Variants in RP1L1 observed in about 807,000 individuals in gnomAD.
The protein encoded by RP1L1 is retinitis pigmentosa 1-like 1 protein.
A neutral mutation model predicts 15.7 loss-of-function variants in RP1L1; 27 were observed. The ratio of observed to expected loss-of-function variants is 1.72; its 90% CI spans 1.27 to 2.38. RP1L1 has a LOEUF of 2.38. Ranked by LOEUF, RP1L1 falls within the 30% of genes most tolerant of loss-of-function variation. The pLI is 0.00. For missense variants in RP1L1, 4,798 were observed against 3,075.9 expected (o/e 1.56, Z -13.24); for synonymous variants, 1,813 against 1,276.7 (o/e 1.42, Z -8.96).
intron 2 of RP1L1, chr8:10,621,146 G>C (rs1399826296): frequency 1.3e-5 from 2 of 152,666 alleles, no homozygotes; most frequent in African/African-American, 2.4e-5. Context: ...TACCTAAGTA[G>C]ACCTTGAGAT....
At chr8:10,621,819 T>C (rs1356675603) in intron 2 of RP1L1, 3 of 474,864 alleles carry the variant, frequency 6.3e-6, no homozygotes, top group Non-Finnish European at 1.3e-5. Context: ...AACTCAATAA[T>C]CATAGTGGCT....
intron 2 of RP1L1, among the ~76,000 whole-genome samples, chr8:10,619,633 A>G (rs536767680): frequency 1.3e-5 from 2 of 152,218 alleles, no homozygotes; most frequent in South Asian, 2.1e-4. Context: ...CCTGCTTAAG[A>G]TGCCGAGAGA....
rs545503698 is a variant in RP1L1, at chr8:10,609,485, A to C, written c.4613T>G (p.Val1538Gly). ...KAFLAHLASAVAELRARWGLQ... is the reference protein window; with the variant it reads ...KAFLAHLASAGAELRARWGLQ... ...GCCCCAGCGTGCTCGGAGCTCAGCC[A>C]CCGCACTGGCAAGGTGGGCCAGGAA... The change falls in exon 4 of 4, where the codon GTG becomes GGG. Residue 1538 changes from valine (V) to glycine (G), a missense_variant. By Grantham distance (109) the Val-to-Gly change is moderately radical. Coordinates refer to ENST00000382483, the MANE Select transcript of RP1L1 (RefSeq NM_178857.6). The C allele has an allele frequency of 1.4e-5, 22 of 1,611,650 alleles. No homozygotes were observed. In the African/African-American group the frequency reaches 2.9e-4, roughly 21 times the overall value.
chr8:10,630,368 G>A (rs1258508570), intron 1 of RP1L1, among the ~76,000 whole-genome samples: 1 of 152,262 alleles, frequency 6.6e-6, no homozygotes, highest in East Asian at 1.9e-4. Flanking sequence ...CCACTGCAGA[G>A]CTGAGTTCCA....
intron 1 of RP1L1, among the ~76,000 whole-genome samples, chr8:10,646,498 A>G (rs1423392036): frequency 3.3e-5 from 5 of 151,902 alleles, no homozygotes; most frequent in African/African-American, 7.3e-5. Context: ...GGAGCCAGAG[A>G]AAAGGTGACG....
intron 1 of RP1L1, among the ~76,000 whole-genome samples, chr8:10,630,274 G>T (rs1798221439): frequency 6.6e-6 from 1 of 152,224 alleles, no homozygotes; most frequent in Admixed American, 6.5e-5. Flanking sequence ...CAGGCAGGAG[G>T]ATGGGCAGAG....
intron 1 of RP1L1, among the ~76,000 whole-genome samples, chr8:10,626,017 G>C (rs1798151994): frequency 6.6e-6 from 1 of 152,096 alleles, no homozygotes; most frequent in South Asian, 2.1e-4. Flanking sequence ...GGGGTAGACG[G>C]AGCAAGGAAA....
intron 1 of RP1L1, among the ~76,000 whole-genome samples, chr8:10,623,778 C>T (rs1461753217): frequency 1.3e-5 from 2 of 152,098 alleles, no homozygotes; most frequent in African/African-American, 4.8e-5. Context: ...CACTATGTCC[C>T]CAGCACAGCA....
chr8:10,633,473 C>G (rs796675319), intron 1 of RP1L1, among the ~76,000 whole-genome samples: 6 of 152,318 alleles, frequency 3.9e-5, no homozygotes, highest in African/African-American at 1.4e-4. Flanking sequence ...AAACAAAACC[C>G]CGGGCAAGGA....
rs778637283 is a variant in RP1L1 at position 10,613,288 on chromosome 8, G to A, written c.810C>T (p.Ser270=). ...SVIHSRSPPG[S]TPRLPERPGP... is the part of the protein sequence containing the mutation. ...CAGGCCTTTCTGGCAGCCGTGGCGT[G>A]CTGCCTGGCGGAGACCGCGAATGGA... Residue 270 remains serine (S), a synonymous_variant, in exon 4 of 4, where the codon AGC becomes AGT. Transcript: ENST00000382483. 1.2e-6 allele frequency: 2 copies of A among 1,605,702 alleles called. No homozygotes were observed. Among genetic ancestry groups the A allele is most frequent in the South Asian group, 2.2e-5 (2 of 91,088 alleles).
chr8:10,636,227 A>G (rs560998615), intron 1 of RP1L1, among the ~76,000 whole-genome samples: 1 of 152,238 alleles, frequency 6.6e-6, no homozygotes, highest in African/African-American at 2.4e-5. Context: ...AGGACACCCA[A>G]TATCTTGGCT....
chr8:10,607,929 C>T lies in RP1L1; in HGVS notation c.6169G>A (p.Ala2057Thr), dbSNP rs376670091. 6 of 1,611,818 alleles carry T rather than the reference C, an allele frequency of 3.7e-6. No homozygotes were observed. Among genetic ancestry groups the T allele is most frequent in the Non-Finnish European group, 5.1e-6 (6 of 1,179,326 alleles). The change falls in exon 4 of 4, where the codon GCC becomes ACC. Residue 2057 changes from alanine to threonine, a missense_variant. Coordinates refer to ENST00000382483, the MANE Select transcript of RP1L1 (RefSeq NM_178857.6). ...TGTGCCTCCTCTTCTGCCTCCGGGG[C>T]CTCTACACCGTCTGACTCTGGCTGG... ...DAQPESDGVE[A>T]PEAEEEAQEA...
chr8:10,649,705 C>T (rs1185552509), intron 1 of RP1L1, among the ~76,000 whole-genome samples: 1 of 152,164 alleles, frequency 6.6e-6, no homozygotes, highest in Non-Finnish European at 1.5e-5. Context: ...ATGGTGAAAC[C>T]CCATCTCTAC....
At chr8:10,643,664 T>A (rs1798437247) in intron 1 of RP1L1, among the ~76,000 whole-genome samples, 1 of 152,080 alleles carries the variant, frequency 6.6e-6, no homozygotes, top group Non-Finnish European at 1.5e-5. Flanking sequence ...ATGTGGTCTT[T>A]CCTGCCTGGG....
rs1470315207 is a variant in RP1L1, at chr8:10,613,213, G to C, written c.885C>G (p.Asp295Glu). 6.2e-7 allele frequency: 1 copy of C among 1,613,430 alleles called. No homozygotes were observed. Among genetic ancestry groups the C allele is most frequent in the Non-Finnish European group, 8.5e-7 (1 of 1,180,016 alleles). Reference sequence around the variant, plus strand: ...CCAGCGGGCCCGACTGAGCTGGCGTGTCCTGAGGGTGCCTGCCAGGAGCAG... The same window carrying C: ...CCAGCGGGCCCGACTGAGCTGGCGTCTCCTGAGGGTGCCTGCCAGGAGCAG... Reference protein sequence around the residue: ...VGPAPGRHPQDTPAQSGPLVA... With the variant: ...VGPAPGRHPQETPAQSGPLVA... Residue 295 changes from aspartate to glutamate, a missense_variant, in exon 4 of 4, where the codon GAC becomes GAG. Coordinates refer to ENST00000382483, the MANE Select transcript of RP1L1 (RefSeq NM_178857.6).
chr8:10,620,920 G>C (rs926124279), intron 2 of RP1L1, among the ~76,000 whole-genome samples: 9 of 152,202 alleles, frequency 5.9e-5, no homozygotes, highest in African/African-American at 2.2e-4. Flanking sequence ...CGGTCACTCT[G>C]CTGAGTACAT....
At chr8:10,616,203 C>A (rs1797962175) in intron 3 of RP1L1, among the ~76,000 whole-genome samples, 1 of 152,184 alleles carries the variant, frequency 6.6e-6, no homozygotes, top group African/African-American at 2.4e-5. Flanking sequence ...GCCACCATGC[C>A]CAGCCTCTGT....
At position 10,622,336 on chromosome 8, in the gene RP1L1, A is replaced by G. The variant is rs12676569; in HGVS notation, c.609+257T>C. On this transcript the variant is annotated intron_variant, in intron 2 of 3. Coordinates refer to ENST00000382483, the MANE Select transcript of RP1L1 (RefSeq NM_178857.6). Reference sequence around the variant, plus strand: ...ACTCCATCTCGAAAAAAACAAAGCCAAAAAAAAAAAAAAAAAGAGTACACA... The same window carrying G: ...ACTCCATCTCGAAAAAAACAAAGCCGAAAAAAAAAAAAAAAAGAGTACACA... Among the ~76,000 whole-genome samples, 76 of 99,114 alleles carry G rather than the reference A, an allele frequency of 7.7e-4. No homozygotes were observed. The East Asian group carries it at 0.033, about 42-fold the overall frequency. 65.0% of individuals were successfully genotyped at this position (99,114 alleles called of 152,430 possible). A position where few individuals can be genotyped will look rare whatever the true frequency, so the allele number is the denominator to read the frequency against.
At chr8:10,646,446 G>C (rs1445406894) in intron 1 of RP1L1, among the ~76,000 whole-genome samples, 1 of 152,156 alleles carries the variant, frequency 6.6e-6, no homozygotes, top group Non-Finnish European at 1.5e-5. Context: ...AATGCTAATG[G>C]GTCTTTAGGA....
Sources: allele counts gnomAD v4.1 joint callset (sites outside exome capture counted in the v4.1 genomes callset), GRCh38; gene constraint gnomAD v4.1.1; transcripts MANE v1.5; gene names NCBI Gene and HGNC (gene_info 2026-07-23, HGNC 2026-07-21).